CELF2: variants seen among roughly 807,000 people sequenced by gnomAD.
The protein encoded by CELF2 is CUG triplet repeat RNA-binding protein 2.
CELF2 carries 8 observed loss-of-function variants against 62.6 expected under a neutral mutation model. The ratio of observed to expected loss-of-function variants is 0.13; its 90% CI spans 0.07 to 0.23. The LOEUF (loss-of-function observed/expected upper bound fraction) is 0.23, where lower values mean the gene tolerates loss of function less well. CELF2 is among the 10% of genes least tolerant of loss of function. The pLI is 1.00. For missense variants in CELF2, 333 were observed against 671.0 expected, an observed-to-expected ratio of 0.50 and a Z score of 5.56; for synonymous variants, 258 against 250.0, an observed-to-expected ratio of 1.03 and a Z score of -0.30.
the CELF2 span, among the ~76,000 whole-genome samples, chr10:10,616,935 T>A: frequency 1.3e-5 from 2 of 151,940 alleles, no homozygotes; most frequent in Non-Finnish European, 2.9e-5. Flanking sequence ...TTATTTATTT[T>A]TTGTAGAGAC....
At chr10:11,092,722 T>C (rs147645542) in intron 1 of CELF2, among the ~76,000 whole-genome samples, 149 of 152,328 alleles carry the variant, frequency 9.8e-4, no homozygotes, top group African/African-American at 3.4e-3. Flanking sequence ...GAAAATTCTT[T>C]CCAGGTTTTG....
At chr10:10,913,942 G>GAGGA (rs1322032966) in intron 1 of CELF2, among the ~76,000 whole-genome samples, 1 of 143,278 alleles carries the variant, frequency 7.0e-6, no homozygotes, top group Admixed American at 7.0e-5. Flanking sequence ...GGAAGGAAGA[G>GAGGA]AGGAAGGAAG....
chr10:10,568,476 C>CT, the CELF2 span, among the ~76,000 whole-genome samples: 1 of 152,144 alleles, frequency 6.6e-6, no homozygotes, highest in African/African-American at 2.4e-5. Flanking sequence ...GACTTGAGTC[C>CT]TTGTGACGAA....
At chr10:11,101,230 A>G (rs2051523061) in intron 1 of CELF2, among the ~76,000 whole-genome samples, 2 of 152,208 alleles carry the variant, frequency 1.3e-5, no homozygotes, top group Admixed American at 6.5e-5. Context: ...ATGATCAGCA[A>G]CTTGAGGCTT....
rs539200447 is a variant in CELF2 at position 11,098,841 on chromosome 10, C to G, written c.75-66645C>G. ...GCTCTGCACCGGGTGATAATTCTAC[C>G]TGGGCAGCAGGCCACGCGTGAGAGC... On this transcript the variant is annotated intron_variant, in intron 1 of 12. Transcript: ENST00000633077. The surrounding 1 kb of genome is among the most constrained non-coding windows in gnomAD (Gnocchi z 4.0). 4.9e-4 allele frequency among the ~76,000 whole-genome samples: 74 copies of G among 152,306 alleles called. No individual in the cohort carries two copies. Among genetic ancestry groups the G allele is most frequent in the East Asian group, 1.2e-3 (6 of 5,188 alleles).
chr10:11,137,758 C>G (rs543820997), intron 1 of CELF2, among the ~76,000 whole-genome samples: 2 of 152,314 alleles, frequency 1.3e-5, no homozygotes, highest in African/African-American at 4.8e-5. Flanking sequence ...ACTTACTGTC[C>G]TTTTTAAATA....
At chr10:10,828,000 T>TAAAAAAAAAAAAAAAAA (rs66721705) in intron 1 of CELF2, among the ~76,000 whole-genome samples, 37 of 60,704 alleles carry the variant, frequency 6.1e-4, no homozygotes, top group South Asian at 7.4e-4. Flanking sequence ...AGGCTAGTCT[T>TAAAAAAAAAAAAAAAAA]AAAAAAAAAA....
chr10:11,087,467 A>G (rs1223389031), intron 1 of CELF2, among the ~76,000 whole-genome samples: 1 of 152,222 alleles, frequency 6.6e-6, no homozygotes, highest in Non-Finnish European at 1.5e-5. Context: ...GGAAGTAGCA[A>G]CTGGCTTCTC....
rs192219265 is a variant in CELF2, at chr10:11,072,390, C to A, written c.74+54227C>A. Among the ~76,000 whole-genome samples, 434 of 152,212 alleles carry A rather than the reference C, an allele frequency of 2.9e-3. 10 individuals are homozygous for A. Among genetic ancestry groups the A allele is most frequent in the Admixed American group, 0.025 (377 of 15,282 alleles). ...GTCTTTGATGTTTAATTGTATTTTA[C>A]CCAGATGACAATGAATGGTTGGACT... On this transcript the variant is annotated intron_variant, in intron 1 of 12. Transcript: ENST00000633077.
At chr10:10,511,175 C>T in the CELF2 span, among the ~76,000 whole-genome samples, 3 of 152,236 alleles carry the variant, frequency 2.0e-5, no homozygotes, top group Admixed American at 1.3e-4. Context: ...TTTGGGAGGC[C>T]AAGGTGGACA....
chr10:10,832,279 T>A (rs796286236), intron 1 of CELF2, among the ~76,000 whole-genome samples: 20 of 150,168 alleles, frequency 1.3e-4, no homozygotes, highest in African/African-American at 2.9e-4. Context: ...AAAAAAAAAA[T>A]AAAAATAAAT....
intron 1 of CELF2, among the ~76,000 whole-genome samples, chr10:10,870,852 G>A (rs1216920949): frequency 6.6e-6 from 1 of 152,070 alleles, no homozygotes; most frequent in Non-Finnish European, 1.5e-5. Flanking sequence ...CAGTAAAAAG[G>A]GATTTACTGC....
the CELF2 span, among the ~76,000 whole-genome samples, chr10:10,607,402 G>A: frequency 6.6e-6 from 1 of 152,154 alleles, no homozygotes; most frequent in Non-Finnish European, 1.5e-5. Flanking sequence ...TAACTTGTAG[G>A]TTCAAACTAC....
chr10:11,059,521 A>C (rs1054223262), intron 1 of CELF2, among the ~76,000 whole-genome samples: 3 of 152,192 alleles, frequency 2.0e-5, no homozygotes, highest in Non-Finnish European at 4.4e-5. Flanking sequence ...TGATTGAAGG[A>C]GAATTCTGGT....
chr10:10,566,420 T>C, the CELF2 span, among the ~76,000 whole-genome samples: 5 of 62,750 alleles, frequency 8.0e-5, no homozygotes, highest in Admixed American at 1.4e-4. Flanking sequence ...TTTTTTTTAA[T>C]TTTTTTTTTT....
chr10:11,293,428 T>G (rs768237360), intron 9 of CELF2, among the ~76,000 whole-genome samples: 14 of 152,238 alleles, frequency 9.2e-5, no homozygotes, highest in Non-Finnish European at 1.6e-4. Flanking sequence ...CCATGAAGCC[T>G]TCTAGTTAGG....
At chr10:11,063,953 C>G (rs574872648) in intron 1 of CELF2, among the ~76,000 whole-genome samples, 1 of 152,134 alleles carries the variant, frequency 6.6e-6, no homozygotes, top group African/African-American at 2.4e-5. Flanking sequence ...TTTGTAGCTC[C>G]TGGAGTGTGC....
intron 1 of CELF2, among the ~76,000 whole-genome samples, chr10:10,845,563 CAA>C (rs1436956846): frequency 6.6e-6 from 1 of 152,046 alleles, no homozygotes; most frequent in African/African-American, 2.4e-5. Context: ...GCAAAGATAT[CAA>C]AGAGAGATTC....
chr10:11,037,011 A>G (rs532808813), intron 1 of CELF2, among the ~76,000 whole-genome samples: 1 of 152,074 alleles, frequency 6.6e-6, no homozygotes, highest in South Asian at 2.1e-4. Context: ...TGTCCTTCTC[A>G]TACTTCCCTT....
Sources: gnomAD v4.1 joint callset for allele counts (sites outside exome capture counted in the v4.1 genomes callset) on GRCh38, gnomAD v4.1.1 for gene constraint, Gnocchi (gnomAD v3.1) non-coding constraint, MANE v1.5 for transcripts, NCBI Gene and HGNC (gene_info 2026-07-23, HGNC 2026-07-21) for gene names.